The following AGPAT4 variants were observed in gnomAD, a reference collection of about 807,000 sequenced individuals.
AGPAT4 encodes the protein 1-acyl-sn-glycerol-3-phosphate acyltransferase delta.
A neutral mutation model predicts 48.0 loss-of-function variants in AGPAT4; 15 were observed. The observed-to-expected ratio is 0.31, with a 90% CI of 0.21 to 0.48. The LOEUF (loss-of-function observed/expected upper bound fraction) is 0.48. AGPAT4 is among the 20% of genes least tolerant of loss of function. The pLI, the probability that AGPAT4 is intolerant of heterozygous loss-of-function variation, is 0.99. For synonymous variants in AGPAT4, 178 were observed against 198.7 expected (o/e 0.90, Z 0.88); for missense variants, 314 against 482.5 (o/e 0.65, Z 3.27).
Position 161,259,094 on chromosome 6 carries a change from G to A in AGPAT4, c.-90+14844C>T, listed in dbSNP as rs762921729. 1.3e-5 allele frequency among the ~76,000 whole-genome samples: 2 copies of A among 152,112 alleles called. No homozygotes were observed. Among genetic ancestry groups the A allele is most frequent in the African/African-American group, 2.4e-5 (1 of 41,508 alleles). On this transcript the variant is annotated intron_variant, in intron 1 of 8. Transcript: ENST00000320285. The surrounding 1 kb of genome is among the most constrained non-coding windows in gnomAD (Gnocchi z 4.9). Reference sequence around the variant, plus strand: ...ATTACAGGTGTGAGCCACGGTACCCGGCCTTAAATTCTTTTCAATTGACAA... The same window carrying A: ...ATTACAGGTGTGAGCCACGGTACCCAGCCTTAAATTCTTTTCAATTGACAA...
Position 161,146,542 on chromosome 6 carries a change from G to T in AGPAT4, c.825C>A (p.His275Gln). 1.2e-6 allele frequency: 2 copies of T among 1,614,016 alleles called. No individual in the cohort carries two copies. The highest frequency in any genetic ancestry group is 8.5e-7 in the Non-Finnish European group (1 of 1,180,034). The change falls in exon 7 of 9, where the codon CAC (histidine) becomes CAA (glutamine). Residue 275 changes from histidine to glutamine, a missense_variant. Coordinates refer to ENST00000320285, the MANE Select transcript of AGPAT4 (RefSeq NM_020133.3). The surrounding 1 kb of genome is among the most constrained non-coding windows in gnomAD (Gnocchi z 7.1). ...EDDDECSAWL[H>Q]KLYQEKDAFQ... ...CACTGACCTTCTCCTGGTAGAGCTTGTGCAGCCAGGCCGAGCACTCGTCAT... is the reference window on the plus strand; with the variant it reads ...CACTGACCTTCTCCTGGTAGAGCTTTTGCAGCCAGGCCGAGCACTCGTCAT...
At chr6:161,187,503 CCATTTATT>C (rs1265141536) in intron 2 of AGPAT4, among the ~76,000 whole-genome samples, 24 of 141,718 alleles carry the variant, frequency 1.7e-4, no homozygotes, top group African/African-American at 5.4e-4. Context: ...GTCCTGAAGC[CCATTTATT>C]TATTTATTTA....
Position 161,261,578 on chromosome 6 carries a change from C to G in AGPAT4, c.-90+12360G>C, listed in dbSNP as rs13195273. On this transcript the variant is annotated intron_variant, in intron 1 of 8. Transcript: ENST00000320285. This position sits in a 1 kb window ranked among gnomAD's most constrained non-coding sequence, Gnocchi z 5.3. ...AGGGACGTAGCTGCTACCCTGAGAC[C>G]GGGTAAGGCATCATCATTAACAAAG... Among the ~76,000 whole-genome samples the G allele has an allele frequency of 6.6e-6, 1 of 152,194 alleles. No individual in the cohort carries two copies. The highest frequency in any genetic ancestry group is 2.1e-4 in the South Asian group (1 of 4,814).
rs964389883 is a variant in AGPAT4, at chr6:161,208,281, T to A, written c.178+23755A>T. Among the ~76,000 whole-genome samples, 4 of 152,184 alleles carry A rather than the reference T, an allele frequency of 2.6e-5. No homozygotes were observed. The highest frequency in any genetic ancestry group is 5.9e-5 in the Non-Finnish European group (4 of 68,038). On this transcript the variant is annotated intron_variant, in intron 2 of 8. Coordinates refer to ENST00000320285, the MANE Select transcript of AGPAT4 (RefSeq NM_020133.3). This position sits in a 1 kb window ranked among gnomAD's most constrained non-coding sequence, Gnocchi z 4.6. Reference sequence around the variant, plus strand: ...TAAGCTACTCAGTATTCAGAGACTCTCTCCAGATGCGCCCTCTGTGGAACT... The same window carrying A: ...TAAGCTACTCAGTATTCAGAGACTCACTCCAGATGCGCCCTCTGTGGAACT...
rs1265937649 is a variant in AGPAT4, at chr6:161,177,108, C to T, written c.179-10691G>A. ...TTCATTTCAACTTTGGTGAATCTGA[C>T]AATTATGTGTCTTAGAGTTGCTCTT... On this transcript the variant is annotated intron_variant, in intron 2 of 8. Coordinates refer to ENST00000320285, the MANE Select transcript of AGPAT4 (RefSeq NM_020133.3). The surrounding 1 kb of genome is among the most constrained non-coding windows in gnomAD (Gnocchi z 5.0). Among the ~76,000 whole-genome samples, 1 of 152,092 alleles carries T rather than the reference C, an allele frequency of 6.6e-6. No homozygotes were observed. Among genetic ancestry groups the T allele is most frequent in the Non-Finnish European group, 1.5e-5 (1 of 68,012 alleles).
chr6:161,223,504 A>T lies in AGPAT4; in HGVS notation c.178+8532T>A, dbSNP rs930306164. Among the ~76,000 whole-genome samples the T allele has an allele frequency of 6.6e-6, 1 of 152,210 alleles. No homozygotes were observed. Among genetic ancestry groups the T allele is most frequent in the African/African-American group, 2.4e-5 (1 of 41,450 alleles). ...TTTAACAGGTGAATTGCCTGTTCAC[A>T]TAGCGGTGTTATTAAATGAGGTAAT... On this transcript the variant is annotated intron_variant, in intron 2 of 8. Coordinates refer to ENST00000320285, the MANE Select transcript of AGPAT4 (RefSeq NM_020133.3). This position sits in a 1 kb window ranked among gnomAD's most constrained non-coding sequence, Gnocchi z 6.3.
Position 161,261,179 on chromosome 6 carries a change from A to G in AGPAT4, c.-90+12759T>C, listed in dbSNP as rs555967489. ...TTCTCCTCCCTGCCTCCCGCTGAAC[A>G]GTCAGGTGCATCTTTCCCTGTTTCT... On this transcript the variant is annotated intron_variant, in intron 1 of 8. Coordinates refer to ENST00000320285, the MANE Select transcript of AGPAT4 (RefSeq NM_020133.3). This position sits in a 1 kb window ranked among gnomAD's most constrained non-coding sequence, Gnocchi z 5.3. 2.6e-5 allele frequency among the ~76,000 whole-genome samples: 4 copies of G among 152,216 alleles called. No individual in the cohort carries two copies. The South Asian group carries it at 8.3e-4, about 32-fold the overall frequency.
At chr6:161,173,385 T>G (rs1316741380) in intron 2 of AGPAT4, among the ~76,000 whole-genome samples, 1 of 152,246 alleles carries the variant, frequency 6.6e-6, no homozygotes, top group East Asian at 1.9e-4. Flanking sequence ...TGCATTTCTC[T>G]GATGGCCAGT....
chr6:161,228,568 C>A (rs1582892280), intron 2 of AGPAT4, among the ~76,000 whole-genome samples: 1 of 134,232 alleles, frequency 7.4e-6, no homozygotes, highest in Non-Finnish European at 1.6e-5. Context: ...TCCTTCCCAC[C>A]CCCTGCCTTT....
chr6:161,151,222 G>C (rs1779584791), intron 5 of AGPAT4, among the ~76,000 whole-genome samples: 1 of 152,188 alleles, frequency 6.6e-6, no homozygotes, highest in Non-Finnish European at 1.5e-5. Context: ...ACTTCTCTGA[G>C]CCCCAATGTC....
chr6:161,241,934 T>A (rs1782505836), intron 1 of AGPAT4, among the ~76,000 whole-genome samples: 1 of 152,120 alleles, frequency 6.6e-6, no homozygotes, highest in Non-Finnish European at 1.5e-5. Flanking sequence ...GGCTTCACCA[T>A]GTTGGCCAGG....
intron 2 of AGPAT4, among the ~76,000 whole-genome samples, chr6:161,207,035 T>C (rs991488388): frequency 6.6e-6 from 1 of 152,196 alleles, no homozygotes; most frequent in Non-Finnish European, 1.5e-5. Context: ...TCCATGGACT[T>C]CCTGGTTTCC....
In AGPAT4 at chr6:161,139,004, A is replaced by G. The variant is rs1384766895; in HGVS notation, c.1042+418T>C. On this transcript the variant is annotated intron_variant, in intron 8 of 8. Transcript: ENST00000320285. The surrounding 1 kb of genome is among the most constrained non-coding windows in gnomAD (Gnocchi z 9.1). ...CCACCTGCAGCAAAGGAGAAGCCAC[A>G]GGCGCCCCCAGAGGAAGGCAGGGAG... Among the ~76,000 whole-genome samples the G allele has an allele frequency of 6.6e-6, 1 of 152,218 alleles. No homozygotes were observed. Among genetic ancestry groups the G allele is most frequent in the Non-Finnish European group, 1.5e-5 (1 of 68,036 alleles).
intron 2 of AGPAT4, among the ~76,000 whole-genome samples, chr6:161,194,444 T>TTGTGTGTG (rs34145722): frequency 6.7e-6 from 1 of 148,730 alleles, no homozygotes; most frequent in African/African-American, 2.5e-5. Context: ...GTGTGTGTGT[T>TTGTGTGTG]TGTGTGTGTG....
Position 161,202,255 on chromosome 6 carries a change from G to A in AGPAT4, c.178+29781C>T, listed in dbSNP as rs1415181878. On this transcript the variant is annotated intron_variant, in intron 2 of 8. Coordinates refer to ENST00000320285, the MANE Select transcript of AGPAT4 (RefSeq NM_020133.3). This position sits in a 1 kb window ranked among gnomAD's most constrained non-coding sequence, Gnocchi z 5.4. ...GGGTCTCTGGGGATGTCGCAGTCAA[G>A]ATGTCAGCTGGGGCTTGCCTGAGGC... Among the ~76,000 whole-genome samples the A allele has an allele frequency of 6.6e-6, 1 of 152,168 alleles. No individual in the cohort carries two copies. Among genetic ancestry groups the A allele is most frequent in the East Asian group, 1.9e-4 (1 of 5,166 alleles).
At position 161,167,745 on chromosome 6, in the gene AGPAT4, T is replaced by C. The variant is rs568418848; in HGVS notation, c.179-1328A>G. Among the ~76,000 whole-genome samples, 32 of 152,296 alleles carry C rather than the reference T, an allele frequency of 2.1e-4. 1 individual carries two copies. Among genetic ancestry groups the C allele is most frequent in the African/African-American group, 7.5e-4 (31 of 41,546 alleles). ...CAGAGCCCTCTAGAAGGCATCACAG[T>C]CCAGTTTTTACGCAGTGAGCACTGC... On this transcript the variant is annotated intron_variant, in intron 2 of 8. Transcript: ENST00000320285.
chr6:161,166,005 TA>T lies in AGPAT4; in HGVS notation c.348+242del. ...TATTCATGTTGCTGTAAGGATTAAA[TA>T]AATGAATCATATGTAAAATGGCCGG... On this transcript the variant is annotated intron_variant, in intron 3 of 8. Transcript: ENST00000320285. This position sits in a 1 kb window ranked among gnomAD's most constrained non-coding sequence, Gnocchi z 6.7. The T allele has an allele frequency of 3.2e-6, 2 of 621,688 alleles. No homozygotes were observed. Among genetic ancestry groups the T allele is most frequent in the Non-Finnish European group, 2.9e-6 (1 of 347,912 alleles). 38.5% of individuals were successfully genotyped at this position (621,688 alleles called of 1,614,324 possible).
Position 161,154,400 on chromosome 6 carries a change from G to A in AGPAT4, c.349-90C>T. 6.6e-7 allele frequency: 1 copy of A among 1,504,840 alleles called. No homozygotes were observed. Among genetic ancestry groups the A allele is most frequent in the Non-Finnish European group, 9.1e-7 (1 of 1,102,494 alleles). 93.2% of individuals were successfully genotyped at this position (1,504,840 alleles called of 1,614,324 possible). ...TGGAGACTGAAGTAGAAAAAGAGGA[G>A]GGGACGTTCACACCAGACGCCTCGG... On this transcript the variant is annotated intron_variant, in intron 3 of 8. Transcript: ENST00000320285. This position sits in a 1 kb window ranked among gnomAD's most constrained non-coding sequence, Gnocchi z 7.8.
intron 2 of AGPAT4, among the ~76,000 whole-genome samples, chr6:161,230,938 G>A (rs1782107778): frequency 6.6e-6 from 1 of 152,148 alleles, no homozygotes; most frequent in Non-Finnish European, 1.5e-5. Flanking sequence ...ATATGTCTAT[G>A]ACTTTTCTTC....
Sources: allele counts gnomAD v4.1 joint callset (sites outside exome capture counted in the v4.1 genomes callset), GRCh38; gene constraint gnomAD v4.1.1; non-coding constraint Gnocchi (gnomAD v3.1); transcripts MANE v1.5; gene names NCBI Gene and HGNC (gene_info 2026-07-23, HGNC 2026-07-21).